GPATCH2: variants seen among roughly 807,000 people sequenced by gnomAD.
GPATCH2 encodes the protein G-patch domain containing 2.
A neutral mutation model predicts 58.0 loss-of-function variants in GPATCH2; 51 were observed. That is an observed-to-expected ratio of 0.88 (90% CI 0.70 to 1.11). GPATCH2 has a LOEUF of 1.11. GPATCH2 is among the 50% of genes most tolerant of loss of function. GPATCH2 has a pLI of 0.00. For synonymous variants in GPATCH2, 222 were observed against 218.5 expected (o/e 1.02, Z -0.14); for missense variants, 625 against 652.2 (o/e 0.96, Z 0.45).
intron 8 of GPATCH2, among the ~76,000 whole-genome samples, chr1:217,468,731 GATA>G (rs1434985147): frequency 6.6e-6 from 1 of 151,696 alleles, no homozygotes; most frequent in African/African-American, 2.4e-5. Flanking sequence ...TTATAGATGG[GATA>G]ATGATACTGA....
At chr1:217,470,866 T>C (rs530698811) in intron 8 of GPATCH2, among the ~76,000 whole-genome samples, 9 of 152,204 alleles carry the variant, frequency 5.9e-5, no homozygotes, top group Admixed American at 2.6e-4. Context: ...TAAACAAATA[T>C]AGAAAGTATA....
At position 217,435,399 on chromosome 1, in the gene GPATCH2, G is replaced by A. The variant is rs552648746; in HGVS notation, c.1367-4034C>T. Among the ~76,000 whole-genome samples the A allele has an allele frequency of 2.0e-5, 3 of 152,314 alleles. No homozygotes were observed. In the South Asian group the frequency reaches 6.2e-4, roughly 32 times the overall value. On this transcript the variant is annotated intron_variant, in intron 9 of 9. Coordinates refer to ENST00000366935, the MANE Select transcript of GPATCH2 (RefSeq NM_018040.5). ...AATTGGCTCAAGAGATGAAAATCTT[G>A]TATCGGCCTCTCTTAGCCACTAATC...
At chr1:217,618,360 A>T (rs973743595) in intron 2 of GPATCH2, among the ~76,000 whole-genome samples, 1 of 151,026 alleles carries the variant, frequency 6.6e-6, no homozygotes, top group African/African-American at 2.4e-5. Context: ...GGCGCACATC[A>T]CCACACTCGG....
Position 217,428,135 on chromosome 1 carries a change from G to A in GPATCH2, c.*3010C>T, listed in dbSNP as rs1173247009. On this transcript the variant is annotated 3_prime_UTR_variant, in exon 10 of 10. Transcript: ENST00000366935. Reference sequence around the variant, plus strand: ...CAGCACACAGTCTGGTCATTATCAAGTATAACAAATTTTTTAAACAGTCAA... The same window carrying A: ...CAGCACACAGTCTGGTCATTATCAAATATAACAAATTTTTTAAACAGTCAA... 6.6e-6 allele frequency: 1 copy of A among 152,156 alleles called. No individual in the cohort carries two copies. The highest frequency in any genetic ancestry group is 2.4e-5 in the African/African-American group (1 of 41,454). 9.4% of individuals were successfully genotyped at this position (152,156 alleles called of 1,614,324 possible).
intron 5 of GPATCH2, among the ~76,000 whole-genome samples, chr1:217,585,984 T>C (rs963811327): frequency 6.6e-6 from 1 of 151,944 alleles, no homozygotes; most frequent in Non-Finnish European, 1.5e-5. Context: ...ATACAGAAAA[T>C]CTATAATAAA....
intron 5 of GPATCH2, among the ~76,000 whole-genome samples, chr1:217,521,880 C>T (rs769645551): frequency 1.3e-5 from 2 of 152,114 alleles, no homozygotes; most frequent in Non-Finnish European, 2.9e-5. Flanking sequence ...GGAATCCGTA[C>T]ACGTGTGTTG....
rs375409644 is a variant in GPATCH2, at chr1:217,453,430, C to T, written c.1278-4093G>A. 1.6e-4 allele frequency among the ~76,000 whole-genome samples: 25 copies of T among 152,258 alleles called. No individual in the cohort carries two copies. In the South Asian group the frequency reaches 2.3e-3, roughly 14 times the overall value. On this transcript the variant is annotated intron_variant, in intron 8 of 9. Coordinates refer to ENST00000366935, the MANE Select transcript of GPATCH2 (RefSeq NM_018040.5). ...ATAAAGAAATGGTGCATTTTTGTTACGGGTCTGTCACTTACGATTTGAAAC... is the reference window on the plus strand; with the variant it reads ...ATAAAGAAATGGTGCATTTTTGTTATGGGTCTGTCACTTACGATTTGAAAC...
chr1:217,493,050 A>G (rs2102536217), intron 7 of GPATCH2, among the ~76,000 whole-genome samples: 1 of 152,286 alleles, frequency 6.6e-6, no homozygotes, highest in Non-Finnish European at 1.5e-5. Context: ...GAACTAAATA[A>G]GTATTCTTAA....
intron 8 of GPATCH2, among the ~76,000 whole-genome samples, chr1:217,490,293 A>C (rs1661656652): frequency 6.6e-6 from 1 of 151,984 alleles, no homozygotes; most frequent in South Asian, 2.1e-4. Context: ...GATTCTTTTA[A>C]CATTTGTCTT....
At chr1:217,531,065 A>ACT in intron 5 of GPATCH2, among the ~76,000 whole-genome samples, 1 of 98,212 alleles carries the variant, frequency 1.0e-5, no homozygotes, top group South Asian at 3.6e-4. Flanking sequence ...ACACACACAC[A>ACT]CACACACTTT....
At chr1:217,472,644 T>G (rs1373027888) in intron 8 of GPATCH2, among the ~76,000 whole-genome samples, 2 of 152,200 alleles carry the variant, frequency 1.3e-5, no homozygotes, top group Non-Finnish European at 2.9e-5. Context: ...AACTTTCTGG[T>G]GCTAACCAAA....
In GPATCH2 at chr1:217,580,750, T is replaced by TCCCAC. The variant is rs1571956351; in HGVS notation, c.1098+29570_1098+29571insGTGGG. Reference sequence around the variant, plus strand: ...AGCCCATTAGAAAGGCAGAATCTCCTGTAATCCCAGCACTTTGGGAGGCCG... The same window carrying TCCCAC: ...AGCCCATTAGAAAGGCAGAATCTCCTCCCACGTAATCCCAGCACTTTGGGAGGCCG... On this transcript the variant is annotated intron_variant, in intron 5 of 9. Transcript: ENST00000366935. 0.017 allele frequency among the ~76,000 whole-genome samples: 682 copies of TCCCAC among 40,678 alleles called. 56 individuals are homozygous for TCCCAC. In the East Asian group the frequency reaches 0.37, roughly 22 times the overall value. 26.7% of individuals were successfully genotyped at this position (40,678 alleles called of 152,430 possible). A position where few individuals can be genotyped will look rare whatever the true frequency, so the allele number is the denominator to read the frequency against.
At chr1:217,569,558 G>C (rs1390716650) in intron 5 of GPATCH2, among the ~76,000 whole-genome samples, 10 of 151,812 alleles carry the variant, frequency 6.6e-5, no homozygotes, top group Non-Finnish European at 5.9e-5. Flanking sequence ...AGCTAGGTGT[G>C]GTGGCATGCA....
intron 8 of GPATCH2, among the ~76,000 whole-genome samples, chr1:217,459,433 T>A (rs1660100917): frequency 6.6e-6 from 1 of 152,164 alleles, no homozygotes; most frequent in African/African-American, 2.4e-5. Context: ...CATCTTGGAG[T>A]ATTCTTTTAT....
At position 217,430,706 on chromosome 1, in the gene GPATCH2, T is replaced by G; in HGVS notation, c.*439A>C. 6.0e-6 allele frequency: 1 copy of G among 167,614 alleles called. No homozygotes were observed. Among genetic ancestry groups the G allele is most frequent in the Non-Finnish European group, 1.3e-5 (1 of 77,916 alleles). 10.4% of individuals were successfully genotyped at this position (167,614 alleles called of 1,614,324 possible). On this transcript the variant is annotated 3_prime_UTR_variant, in exon 10 of 10. Coordinates refer to ENST00000366935, the MANE Select transcript of GPATCH2 (RefSeq NM_018040.5). ...ATGTGTTCGGACTTCACTGATGCGATGGTAGGTCTTTTGGGTTACAATAGA... is the reference window on the plus strand; with the variant it reads ...ATGTGTTCGGACTTCACTGATGCGAGGGTAGGTCTTTTGGGTTACAATAGA...
At chr1:217,563,961 T>C (rs1666061842) in intron 5 of GPATCH2, among the ~76,000 whole-genome samples, 1 of 144,276 alleles carries the variant, frequency 6.9e-6, no homozygotes, top group African/African-American at 2.6e-5. Flanking sequence ...GGACAATCAC[T>C]TGAACCCGGG....
At chr1:217,448,534 C>G (rs1401952338) in intron 9 of GPATCH2, among the ~76,000 whole-genome samples, 1 of 152,186 alleles carries the variant, frequency 6.6e-6, no homozygotes, top group African/African-American at 2.4e-5. Flanking sequence ...TTGCATGAGA[C>G]TTTCAATACA....
At chr1:217,472,046 C>CA (rs1360035595) in intron 8 of GPATCH2, among the ~76,000 whole-genome samples, 5 of 151,922 alleles carry the variant, frequency 3.3e-5, no homozygotes, top group South Asian at 4.2e-4. Flanking sequence ...CAGTAAAGGA[C>CA]AAAAATCATA....
chr1:217,542,977 G>C (rs1323678285), intron 5 of GPATCH2, among the ~76,000 whole-genome samples: 1 of 152,174 alleles, frequency 6.6e-6, no homozygotes, highest in Non-Finnish European at 1.5e-5. Context: ...AGCTTAAGAT[G>C]CTGGTGCAGG....
Sources: gnomAD v4.1 joint callset for allele counts (sites outside exome capture counted in the v4.1 genomes callset) on GRCh38, gnomAD v4.1.1 for gene constraint, MANE v1.5 for transcripts, NCBI Gene and HGNC (gene_info 2026-07-23, HGNC 2026-07-21) for gene names.